The following MAGI2 variants were observed in gnomAD, a reference collection of about 807,000 sequenced individuals.
MAGI2 encodes the protein membrane-associated guanylate kinase, WW and PDZ domain-containing protein 2.
MAGI2 carries 35 observed loss-of-function variants against 133.3 expected under a neutral mutation model. That is an observed-to-expected ratio of 0.26 (90% CI 0.20 to 0.35). The LOEUF (loss-of-function observed/expected upper bound fraction) is 0.35. Among genes scored for constraint, MAGI2 ranks in the 10% least tolerant of loss-of-function variants. The pLI, the probability that MAGI2 is intolerant of heterozygous loss-of-function variation, is 1.00. For missense variants in MAGI2, 1,636 were observed against 1,863.4 expected (o/e 0.88, Z 2.25); for synonymous variants, 729 against 710.6 (o/e 1.03, Z -0.41).
At chr7:79,341,796 C>A (rs985860763) in intron 1 of MAGI2, among the ~76,000 whole-genome samples, 3 of 152,126 alleles carry the variant, frequency 2.0e-5, no homozygotes, top group Non-Finnish European at 4.4e-5. Flanking sequence ...AGTTGAATTT[C>A]CAACAGGTTG....
At chr7:79,403,230 T>C (rs1290626082) in intron 1 of MAGI2, among the ~76,000 whole-genome samples, 1 of 152,176 alleles carries the variant, frequency 6.6e-6, no homozygotes, top group Non-Finnish European at 1.5e-5. Context: ...GTTTTTTGTT[T>C]TCATGTATTC....
At chr7:79,451,080 A>T (rs371610730) in intron 1 of MAGI2, among the ~76,000 whole-genome samples, 1 of 152,298 alleles carries the variant, frequency 6.6e-6, no homozygotes, top group African/African-American at 2.4e-5. Flanking sequence ...TATAATACAC[A>T]ATAATCTTCC....
At chr7:78,924,392 AT>A (rs1799517873) in intron 2 of MAGI2, among the ~76,000 whole-genome samples, 1 of 151,926 alleles carries the variant, frequency 6.6e-6, no homozygotes, top group South Asian at 2.1e-4. Context: ...TTATTGAGAG[AT>A]TTTACCATGA....
chr7:78,195,174 G>A (rs1407947274), intron 11 of MAGI2, 111 bp from the exon 12 acceptor site: 1 of 789,718 alleles, frequency 1.3e-6, no homozygotes, highest in Non-Finnish European at 1.9e-6. Context: ...TCCAGGGGAT[G>A]GGTAAAACTT....
chr7:78,622,200 AG>A (rs1407969686), intron 3 of MAGI2, among the ~76,000 whole-genome samples: 1 of 151,986 alleles, frequency 6.6e-6, no homozygotes, highest in East Asian at 1.9e-4. Flanking sequence ...TTTGTGGGTT[AG>A]ATTCTGGGAC....
chr7:78,604,184 A>C (rs1164706154), intron 3 of MAGI2, among the ~76,000 whole-genome samples: 1 of 152,180 alleles, frequency 6.6e-6, no homozygotes, highest in African/African-American at 2.4e-5. Flanking sequence ...GTAGGGAAAG[A>C]ATATTGGGGA....
chr7:79,396,905 G>A (rs1845099868), intron 1 of MAGI2, among the ~76,000 whole-genome samples: 1 of 152,006 alleles, frequency 6.6e-6, no homozygotes, highest in Non-Finnish European at 1.5e-5. Context: ...CACCTTGACG[G>A]TTAGTAGCTT....
intron 2 of MAGI2, among the ~76,000 whole-genome samples, chr7:78,980,980 T>C (rs1004508460): frequency 6.6e-6 from 1 of 151,728 alleles, no homozygotes; most frequent in Non-Finnish European, 1.5e-5. Flanking sequence ...CATAATCTTC[T>C]TGTCTTTGTT....
rs1054011998 is a variant in MAGI2, at chr7:79,364,225, G to A, written c.301+88795C>T. Among the ~76,000 whole-genome samples the A allele has an allele frequency of 2.6e-5, 4 of 151,946 alleles. No homozygotes were observed. The South Asian group carries it at 8.3e-4, about 31-fold the overall frequency. ...AAAAGTAGAACAACCATATGATCCA[G>A]TAAACGCACTATAGGTTATGTATCC... On this transcript the variant is annotated intron_variant, in intron 1 of 21. Transcript: ENST00000354212.
At chr7:79,056,124 T>A (rs1422387157) in intron 1 of MAGI2, among the ~76,000 whole-genome samples, 4 of 152,174 alleles carry the variant, frequency 2.6e-5, no homozygotes, top group Non-Finnish European at 5.9e-5. Context: ...TTCTTAAAAA[T>A]TTTATGGCCT....
chr7:78,535,874 C>T (rs1397282066), intron 3 of MAGI2, among the ~76,000 whole-genome samples: 3 of 99,412 alleles, frequency 3.0e-5, no homozygotes, highest in Admixed American at 9.7e-5. Context: ...TTGTGTACAC[C>T]CCCCCCGCCC....
chr7:78,189,910 A>G (rs1376464841), intron 12 of MAGI2, among the ~76,000 whole-genome samples: 2 of 152,212 alleles, frequency 1.3e-5, no homozygotes, highest in East Asian at 1.9e-4. Flanking sequence ...ACTGAATTTC[A>G]TAAGATTCCA....
intron 6 of MAGI2, among the ~76,000 whole-genome samples, chr7:78,432,555 G>A (rs941080027): frequency 6.6e-6 from 1 of 151,928 alleles, no homozygotes; most frequent in South Asian, 2.1e-4. Flanking sequence ...ATGCCTTGTT[G>A]ACTTCTTTTG....
chr7:78,329,284 C>A (rs1788924272), intron 9 of MAGI2, among the ~76,000 whole-genome samples: 1 of 152,222 alleles, frequency 6.6e-6, no homozygotes. Flanking sequence ...CAAAAACCAG[C>A]AGAATCACAC....
chr7:78,190,625 C>T (rs776186262), intron 12 of MAGI2, among the ~76,000 whole-genome samples: 58 of 151,948 alleles, frequency 3.8e-4, no homozygotes, highest in Admixed American at 1.2e-3. Context: ...GATTTCCTAT[C>T]AAATCAGAAA....
intron 6 of MAGI2, among the ~76,000 whole-genome samples, chr7:78,482,006 A>G (rs1563064208): frequency 6.6e-6 from 1 of 151,954 alleles, no homozygotes; most frequent in African/African-American, 2.4e-5. Flanking sequence ...CGTAAGCAAC[A>G]TATCTGTAAG....
At chr7:78,405,843 A>G (rs1046854863) in intron 6 of MAGI2, among the ~76,000 whole-genome samples, 2 of 152,022 alleles carry the variant, frequency 1.3e-5, no homozygotes, top group Non-Finnish European at 2.9e-5. Context: ...CAATAAATAG[A>G]CAATTGTCTA....
At chr7:78,515,169 C>T (rs1795933740) in intron 4 of MAGI2, among the ~76,000 whole-genome samples, 1 of 152,092 alleles carries the variant, frequency 6.6e-6, no homozygotes, top group Non-Finnish European at 1.5e-5. Context: ...TAAAAGAAAT[C>T]CAAGAAAGCT....
chr7:79,137,348 C>A (rs1331086433), intron 1 of MAGI2, among the ~76,000 whole-genome samples: 1 of 151,922 alleles, frequency 6.6e-6, no homozygotes, highest in Non-Finnish European at 1.5e-5. Flanking sequence ...TGAGGGATGC[C>A]ATGGGAGCTC....
Sources: allele counts gnomAD v4.1 joint callset (sites outside exome capture counted in the v4.1 genomes callset), GRCh38; gene constraint gnomAD v4.1.1; transcripts MANE v1.5; gene names NCBI Gene and HGNC (gene_info 2026-07-23, HGNC 2026-07-21).